The following TRPM2 variants were observed in gnomAD, a reference collection of about 807,000 sequenced individuals.
The protein encoded by TRPM2 is transient receptor potential cation channel subfamily M member 2.
In TRPM2, 161 loss-of-function variants were observed where a neutral mutation model predicts 174.0. That is an observed-to-expected ratio of 0.93 (90% confidence interval 0.81 to 1.05). The LOEUF (loss-of-function observed/expected upper bound fraction) is 1.05. TRPM2 is among the 50% of genes least tolerant of loss of function. The probability of loss-of-function intolerance (pLI) is 0.00; values close to 1 mark genes in which losing one functional copy is unlikely to be tolerated. For missense variants in TRPM2, 2,057 were observed against 2,038.0 expected (o/e 1.01, Z -0.18); for synonymous variants, 954 against 861.3 (o/e 1.11, Z -1.88).
chr21:44,417,033 C>A (rs571397088), intron 20 of TRPM2, among the ~76,000 whole-genome samples: 2 of 110,274 alleles, frequency 1.8e-5, no homozygotes, highest in Non-Finnish European at 3.6e-5. Flanking sequence ...ACAGTGGGCA[C>A]GTGGGCATGG....
At position 44,382,700 on chromosome 21, in the gene TRPM2, A is replaced by G. The variant is rs1172948061; in HGVS notation, c.1216-18A>G. 1 of 1,612,664 alleles carries G rather than the reference A, an allele frequency of 6.2e-7. No individual in the cohort carries two copies. Among genetic ancestry groups the G allele is most frequent in the Admixed American group, 1.7e-5 (1 of 59,854 alleles). ...TCAGGAGTCACTGTGTGTCTCACTT[A>G]GAAAATGCTTGTTGCAGATCCAAGA... On this transcript the variant is annotated intron_variant, in intron 8 of 31. Transcript: ENST00000397928.
At position 44,403,053 on chromosome 21, in the gene TRPM2, G is replaced by A. The variant is rs530917452; in HGVS notation, c.2538+1156G>A. On this transcript the variant is annotated intron_variant, in intron 16 of 31. Transcript: ENST00000397928. ...GGCGGGGCCTGGGAGCTGTGCTGTG[G>A]CCCTGGCTCTGCTGGGCTCTCCTTG... Among the ~76,000 whole-genome samples the A allele has an allele frequency of 3.3e-5, 5 of 152,272 alleles. No homozygotes were observed. In the South Asian group the frequency reaches 6.2e-4, roughly 19 times the overall value.
rs192284885 is a variant in TRPM2 at position 44,383,594 on chromosome 21, A to C, written c.1318+774A>C. On this transcript the variant is annotated intron_variant, in intron 9 of 31. Transcript: ENST00000397928. ...AAAACCTCACACAAACAGCGAGATG[A>C]TAGACTACATATTAGACCACAAATT... Among the ~76,000 whole-genome samples, 22 of 152,344 alleles carry C rather than the reference A, an allele frequency of 1.4e-4. No homozygotes were observed. The East Asian group carries it at 4.0e-3, about 28-fold the overall frequency.
chr21:44,424,623 G>A (rs1325311233), intron 23 of TRPM2, among the ~76,000 whole-genome samples: 1 of 152,228 alleles, frequency 6.6e-6, no homozygotes, highest in Non-Finnish European at 1.5e-5. Flanking sequence ...TGCACCATCA[G>A]ATGTGTGACT....
intron 19 of TRPM2, among the ~76,000 whole-genome samples, chr21:44,409,558 C>T (rs1231057949): frequency 1.4e-5 from 2 of 147,754 alleles, no homozygotes; most frequent in South Asian, 2.2e-4. Context: ...TCTTGGTTGG[C>T]ATAGCCTTGT....
chr21:44,436,627 C>T (rs2051280613), intron 28 of TRPM2, among the ~76,000 whole-genome samples: 1 of 124,082 alleles, frequency 8.1e-6, no homozygotes. Context: ...GTCACCCCCA[C>T]ATCACCCCCA....
intron 9 of TRPM2, among the ~76,000 whole-genome samples, chr21:44,385,351 CTAA>C (rs2048989985): frequency 6.6e-6 from 1 of 152,094 alleles, no homozygotes; most frequent in South Asian, 2.1e-4. Context: ...AAAAACAGTG[CTAA>C]TGGAGAAATT....
chr21:44,413,554 A>G (rs373313091), intron 19 of TRPM2, among the ~76,000 whole-genome samples: 3 of 152,038 alleles, frequency 2.0e-5, no homozygotes, highest in Admixed American at 6.5e-5. Flanking sequence ...TTCCTTTTAA[A>G]TTATTTCCAC....
intron 22 of TRPM2, chr21:44,422,422 G>A (rs1182287938): frequency 6.5e-7 from 1 of 1,536,022 alleles, no homozygotes; most frequent in Admixed American, 2.0e-5. Context: ...CATGGCAGGT[G>A]CGGTTAAGCG....
chr21:44,422,392 TG>T (rs2050582741), intron 22 of TRPM2: 1 of 1,536,046 alleles, frequency 6.5e-7, no homozygotes, highest in African/African-American at 1.4e-5. Context: ...CTCGCATGTT[TG>T]CAAGGCTGTC....
intron 8 of TRPM2, 98 bp from the exon 9 acceptor site, chr21:44,382,620 A>G (rs957291129): frequency 1.7e-6 from 2 of 1,176,796 alleles, no homozygotes; most frequent in African/African-American, 3.0e-5. Flanking sequence ...GCAGGACCCA[A>G]GGCTCTGGCT....
chr21:44,392,220 C>T (rs553006639), intron 11 of TRPM2, among the ~76,000 whole-genome samples: 2 of 151,634 alleles, frequency 1.3e-5, no homozygotes, highest in African/African-American at 4.8e-5. Flanking sequence ...TCCTCACCCT[C>T]CAAAAGGCTG....
At chr21:44,431,024 CTT>C (rs1427177942) in intron 27 of TRPM2, among the ~76,000 whole-genome samples, 1 of 149,456 alleles carries the variant, frequency 6.7e-6, no homozygotes, top group African/African-American at 2.5e-5. Flanking sequence ...AAAAAACTAA[CTT>C]TTGGATTTGT....
intron 2 of TRPM2, 61 bp from the exon 3 acceptor site, chr21:44,364,053 C>T (rs1381552892): frequency 1.9e-6 from 3 of 1,546,484 alleles, no homozygotes; most frequent in South Asian, 2.4e-5. Context: ...TCCTCTGATG[C>T]CTTCACAGGG....
At position 44,363,969 on chromosome 21, in the gene TRPM2, G is replaced by T. The variant is rs2048286243; in HGVS notation, c.255-145G>T. On this transcript the variant is annotated intron_variant, in intron 2 of 31. Coordinates refer to ENST00000397928, the MANE Select transcript of TRPM2 (RefSeq NM_003307.4). ...TCCAGCCCACCATTAGGCCTTTGCT[G>T]CCTCCCCCATGGCTGGAAGGGCAGG... 10 of 808,984 alleles carry T rather than the reference G, an allele frequency of 1.2e-5. No homozygotes were observed. In the South Asian group the frequency reaches 1.8e-4, roughly 15 times the overall value. The allele number at this position is 808,984 out of a possible 1,614,324, so 50.1% of individuals were successfully genotyped here.
chr21:44,358,488 C>G (rs1051802112), intron 2 of TRPM2, among the ~76,000 whole-genome samples: 2 of 152,122 alleles, frequency 1.3e-5, no homozygotes, highest in Admixed American at 1.3e-4. Flanking sequence ...CTATCTGGGC[C>G]GAGTTCCGAG....
At chr21:44,409,152 TGA>T (rs1357468540) in intron 19 of TRPM2, among the ~76,000 whole-genome samples, 1 of 152,196 alleles carries the variant, frequency 6.6e-6, no homozygotes, top group Non-Finnish European at 1.5e-5. Context: ...GAAATTTTGA[TGA>T]TGTTCAACTT....
chr21:44,436,601 G>A (rs2051279125), intron 28 of TRPM2, among the ~76,000 whole-genome samples: 1 of 103,258 alleles, frequency 9.7e-6, no homozygotes, highest in Non-Finnish European at 1.9e-5. Flanking sequence ...ACCCTGGGCT[G>A]CACTCAGCAC....
intron 2 of TRPM2, among the ~76,000 whole-genome samples, chr21:44,360,323 G>T (rs887679169): frequency 1.3e-5 from 2 of 152,176 alleles, no homozygotes; most frequent in Non-Finnish European, 2.9e-5. Context: ...AGCTCCTGCC[G>T]TCCCCAGGCG....
Sources: gnomAD v4.1 joint callset for allele counts (sites outside exome capture counted in the v4.1 genomes callset) on GRCh38, gnomAD v4.1.1 for gene constraint, MANE v1.5 for transcripts, NCBI Gene and HGNC (gene_info 2026-07-23, HGNC 2026-07-21) for gene names.